Variants in SLC9C1 observed in about 807,000 individuals in gnomAD.
SLC9C1 encodes the protein solute carrier family 9 member C1.
SLC9C1 carries 97 observed loss-of-function variants against 140.9 expected under a neutral mutation model. The ratio of observed to expected loss-of-function variants is 0.69; its 90% confidence interval spans 0.58 to 0.82. The LOEUF (loss-of-function observed/expected upper bound fraction) is 0.82. Among genes scored for constraint, SLC9C1 ranks in the 40% least tolerant of loss-of-function variants. The pLI is 0.00. For synonymous variants in SLC9C1, 440 were observed against 442.6 expected, an observed-to-expected ratio of 0.99 and a Z score of 0.07; for missense variants, 1,340 against 1,389.3, an observed-to-expected ratio of 0.96 and a Z score of 0.56.
intron 19 of SLC9C1, 36 bp downstream of exon 19, chr3:112,200,675 G>A (rs761055090): frequency 1.9e-6 from 3 of 1,585,086 alleles, no homozygotes; most frequent in Non-Finnish European, 2.6e-6. Flanking sequence ...GTGATGATAA[G>A]AGATGGTCAT....
chr3:112,243,891 T>C, intron 11 of SLC9C1, 104 bp downstream of exon 11: 1 of 738,482 alleles, frequency 1.4e-6, no homozygotes. Flanking sequence ...GGGGTCTCAC[T>C]ATGTTGCCTA....
chr3:112,276,683 A>C (rs1236503224), intron 5 of SLC9C1, among the ~76,000 whole-genome samples: 1 of 152,034 alleles, frequency 6.6e-6, no homozygotes, highest in East Asian at 1.9e-4. Context: ...GACAAGAGTG[A>C]AATCAGCTCT....
chr3:112,218,518 T>G lies in SLC9C1; in HGVS notation c.1671-957A>C, dbSNP rs1054786998. Among the ~76,000 whole-genome samples, 7 of 152,356 alleles carry G rather than the reference T, an allele frequency of 4.6e-5. No individual in the cohort carries two copies. The East Asian group carries it at 1.3e-3, about 29-fold the overall frequency. On this transcript the variant is annotated intron_variant, in intron 14 of 28. Transcript: ENST00000305815. ...TCATTCAATTATCTGATATTCAATA[T>G]AATATGCGGTAAATAAATGGAAAAT...
At chr3:112,205,068 A>G (rs2078008717) in intron 16 of SLC9C1, among the ~76,000 whole-genome samples, 1 of 152,092 alleles carries the variant, frequency 6.6e-6, no homozygotes, top group Non-Finnish European at 1.5e-5. Flanking sequence ...CAGGCAGGAG[A>G]AGGAAATAAA....
rs767425355 is a variant in SLC9C1, at chr3:112,198,503, A to G, written c.2523+818T>C. Among the ~76,000 whole-genome samples the G allele has an allele frequency of 2.0e-4, 30 of 151,912 alleles. 1 individual carries two copies. Among genetic ancestry groups the G allele is most frequent in the Non-Finnish European group, 5.9e-5 (4 of 67,934 alleles). On this transcript the variant is annotated intron_variant, in intron 20 of 28. Coordinates refer to ENST00000305815, the MANE Select transcript of SLC9C1 (RefSeq NM_183061.3). The stretch of plus-strand genomic sequence containing the variant: ...CGTTCTTCTTTTGTTCCTAACTTTA[A>G]TAAGAATGCTCTTAATGTTTTGCTA...
At chr3:112,188,983 A>G (rs1342188808) in intron 20 of SLC9C1, among the ~76,000 whole-genome samples, 1 of 152,194 alleles carries the variant, frequency 6.6e-6, no homozygotes, top group Non-Finnish European at 1.5e-5. Flanking sequence ...TCTGATGACT[A>G]GTGATGATGA....
At chr3:112,254,763 G>T (rs1271253217) in intron 10 of SLC9C1, among the ~76,000 whole-genome samples, 3 of 152,050 alleles carry the variant, frequency 2.0e-5, no homozygotes, top group African/African-American at 7.2e-5. Context: ...GACTATAAAT[G>T]GGTTAAATGC....
chr3:112,248,268 C>G lies in SLC9C1; in HGVS notation c.1198-4192G>C, dbSNP rs577194565. On this transcript the variant is annotated intron_variant, in intron 10 of 28. Transcript: ENST00000305815. ...AGCAGATTCTCTAGCCCCAGTTGAG[C>G]CTTTTGATGGCTGCACTCCCAATTT... Among the ~76,000 whole-genome samples, 38 of 143,358 alleles carry G rather than the reference C, an allele frequency of 2.7e-4. 1 individual carries two copies. Among genetic ancestry groups the G allele is most frequent in the Middle Eastern group, 3.5e-3 (1 of 282 alleles). 94.0% of individuals were successfully genotyped at this position (143,358 alleles called of 152,430 possible). A position where few individuals can be genotyped will look rare whatever the true frequency, so the allele number is the denominator to read the frequency against.
intron 23 of SLC9C1, among the ~76,000 whole-genome samples, chr3:112,171,744 A>G (rs941805158): frequency 2.6e-5 from 4 of 152,206 alleles, no homozygotes; most frequent in South Asian, 2.1e-4. Flanking sequence ...ATATAGTTCT[A>G]TCTTTCATGT....
intron 7 of SLC9C1, among the ~76,000 whole-genome samples, chr3:112,268,478 G>C (rs2079983483): frequency 6.6e-6 from 1 of 151,956 alleles, no homozygotes; most frequent in South Asian, 2.1e-4. Context: ...CAAACTATTT[G>C]TTAAGTTTAT....
chr3:112,252,873 G>A (rs1180651376), intron 10 of SLC9C1, among the ~76,000 whole-genome samples: 1 of 152,054 alleles, frequency 6.6e-6, no homozygotes, highest in African/African-American at 2.4e-5. Context: ...GGAGACTCCA[G>A]CCACCTCCTG....
intron 19 of SLC9C1, 23 bp from the exon 20 acceptor site, chr3:112,199,492 T>C (rs756287649): frequency 6.6e-6 from 10 of 1,522,282 alleles, no homozygotes; most frequent in Non-Finnish European, 2.6e-6. Flanking sequence ...AAAATATTTT[T>C]AGATTAAATA....
chr3:112,283,997 G>A (rs2080434058), intron 2 of SLC9C1, among the ~76,000 whole-genome samples: 1 of 152,140 alleles, frequency 6.6e-6, no homozygotes, highest in Admixed American at 6.5e-5. Flanking sequence ...GCGACCCCAA[G>A]GATTAAACTC....
intron 1 of SLC9C1, among the ~76,000 whole-genome samples, chr3:112,293,123 A>G (rs2108384111): frequency 6.6e-6 from 1 of 151,382 alleles, no homozygotes; most frequent in South Asian, 2.1e-4. Flanking sequence ...AAAAAAAAAA[A>G]AAAAAAAATT....
chr3:112,169,026 T>G lies in SLC9C1; in HGVS notation c.3088A>C (p.Ile1030Leu), dbSNP rs753342403. The G allele has an allele frequency of 1.1e-5, 18 of 1,598,804 alleles. No individual in the cohort carries two copies. The highest frequency in any genetic ancestry group is 1.4e-5 in the Non-Finnish European group (16 of 1,175,718). ...CTCATTGGTATATCTACTACATAAA[T>G]ATTAGAGAGCTTTAGTTGCATATTG... ...NYNMQLKLSN[I>L]YVVDIPMSTK... The change falls in exon 25 of 29, where the codon ATT becomes CTT. Residue 1030 changes from isoleucine (I) to leucine (L), a missense_variant. Physicochemically the swap from Ile to Leu is conservative, Grantham distance 5. Transcript: ENST00000305815.
At position 112,202,524 on chromosome 3, in the gene SLC9C1, T is replaced by C. The variant is rs2077933222; in HGVS notation, c.2173-125A>G. On this transcript the variant is annotated intron_variant, in intron 17 of 28. Coordinates refer to ENST00000305815, the MANE Select transcript of SLC9C1 (RefSeq NM_183061.3). ...GCCCTCAAAGGTAACTACAATAACC[T>C]GTCAAGGTTCTTTGTTATTTTTTTA... 5 of 887,640 alleles carry C rather than the reference T, an allele frequency of 5.6e-6. No homozygotes were observed. In the African/African-American group the frequency reaches 8.6e-5, roughly 15 times the overall value. The allele number at this position is 887,640 out of a possible 1,614,324, so 55.0% of individuals were successfully genotyped here. A position where few individuals can be genotyped will look rare whatever the true frequency, so the allele number is the denominator to read the frequency against.
chr3:112,221,077 T>C, intron 14 of SLC9C1, 51 bp downstream of exon 14: 1 of 1,482,768 alleles, frequency 6.7e-7, no homozygotes, highest in Non-Finnish European at 9.3e-7. Context: ...TTGGGTAATT[T>C]CCTAAATGCT....
chr3:112,238,866 T>C (rs1037585197), intron 12 of SLC9C1, among the ~76,000 whole-genome samples: 5 of 152,184 alleles, frequency 3.3e-5, no homozygotes, highest in African/African-American at 2.4e-5. Flanking sequence ...AGTCTGCCCC[T>C]ACTGGGGGGT....
At chr3:112,264,745 A>G (rs1387433082) in intron 8 of SLC9C1, among the ~76,000 whole-genome samples, 1 of 152,008 alleles carries the variant, frequency 6.6e-6, no homozygotes, top group East Asian at 1.9e-4. Context: ...ATTTAACACT[A>G]TTGTCTTAGA....
Sources: gnomAD v4.1 joint callset for allele counts (sites outside exome capture counted in the v4.1 genomes callset) on GRCh38, gnomAD v4.1.1 for gene constraint, MANE v1.5 for transcripts, NCBI Gene and HGNC (gene_info 2026-07-23, HGNC 2026-07-21) for gene names.